Variants in SPIRE2 observed in about 807,000 individuals in gnomAD.
The protein encoded by SPIRE2 is spire type actin nucleation factor 2, also known as protein spire homolog 2.
A neutral mutation model predicts 80.7 loss-of-function variants in SPIRE2; 76 were observed. The ratio of observed to expected loss-of-function variants is 0.94; its 90% CI spans 0.78 to 1.14. The LOEUF (loss-of-function observed/expected upper bound fraction) is 1.14. Among genes scored for constraint, SPIRE2 ranks in the 50% most tolerant of loss-of-function variants. The probability of loss-of-function intolerance (pLI) is 0.00; values close to 1 mark genes in which losing one functional copy is unlikely to be tolerated. For missense variants in SPIRE2, 1,196 were observed against 1,015.3 expected (o/e 1.18, Z -2.42); for synonymous variants, 535 against 432.6 (o/e 1.24, Z -2.94).
chr16:89,869,809 G>T (rs1328644975), intron 14 of SPIRE2, 127 bp downstream of exon 14: 2 of 778,858 alleles, frequency 2.6e-6, no homozygotes, highest in African/African-American at 1.7e-5. Flanking sequence ...GAAATGCAAG[G>T]CAGAGACGGA....
At chr16:89,834,940 G>A (rs936617981) in intron 1 of SPIRE2, among the ~76,000 whole-genome samples, 4 of 148,046 alleles carry the variant, frequency 2.7e-5, no homozygotes, top group African/African-American at 1.0e-4. Flanking sequence ...CTGTGAACCT[G>A]CCCGCACTCG....
chr16:89,854,383 C>A lies in SPIRE2; in HGVS notation c.726+17C>A. On this transcript the variant is annotated intron_variant, in intron 4 of 14. Transcript: ENST00000378247. The stretch of plus-strand genomic sequence containing the variant: ...ACAGACTGGGTAAGGCTCACTCCCA[C>A]CTGACCGGGCCACTGACGCGGCCCA... 5 of 1,611,792 alleles carry A rather than the reference C, an allele frequency of 3.1e-6. No homozygotes were observed. Among genetic ancestry groups the A allele is most frequent in the Non-Finnish European group, 4.2e-6 (5 of 1,179,500 alleles).
chr16:89,869,031 TAAAAAA>T (rs766356633), intron 13 of SPIRE2, among the ~76,000 whole-genome samples: 3 of 23,974 alleles, frequency 1.3e-4, no homozygotes, highest in Non-Finnish European at 1.8e-4. Flanking sequence ...ATCTGTGTCT[TAAAAAA>T]AAAAAAAAAA....
intron 12 of SPIRE2, among the ~76,000 whole-genome samples, chr16:89,866,927 G>C (rs1009599969): frequency 6.6e-6 from 1 of 151,920 alleles, no homozygotes; most frequent in African/African-American, 2.4e-5. Context: ...TTTATAAGAA[G>C]GTATTTATTT....
intron 1 of SPIRE2, among the ~76,000 whole-genome samples, chr16:89,835,388 C>T (rs1218152509): frequency 1.3e-5 from 2 of 152,186 alleles, no homozygotes; most frequent in African/African-American, 2.4e-5. Context: ...CTCACTGCCA[C>T]CTTCCAGGCC....
chr16:89,833,609 G>A (rs893262123), intron 1 of SPIRE2, among the ~76,000 whole-genome samples: 6 of 152,240 alleles, frequency 3.9e-5, no homozygotes, highest in African/African-American at 7.2e-5. Context: ...TTTGTGCCTC[G>A]GTTTCCTTCT....
intron 13 of SPIRE2, among the ~76,000 whole-genome samples, chr16:89,868,473 A>G (rs762341165): frequency 6.6e-6 from 1 of 152,184 alleles, no homozygotes; most frequent in Non-Finnish European, 1.5e-5. Flanking sequence ...ACCTTCTTAC[A>G]TTCTATAACT....
At chr16:89,847,668 A>C (rs1326405720) in intron 2 of SPIRE2, among the ~76,000 whole-genome samples, 1 of 152,204 alleles carries the variant, frequency 6.6e-6, no homozygotes, top group East Asian at 1.9e-4. Flanking sequence ...GTTACTGGGC[A>C]GGTGTCCTGG....
intron 5 of SPIRE2, among the ~76,000 whole-genome samples, chr16:89,855,097 C>T (rs1432491318): frequency 2.6e-5 from 4 of 152,180 alleles, no homozygotes; most frequent in Non-Finnish European, 5.9e-5. Flanking sequence ...CGCCACCACG[C>T]CTGGCTAATT....
At chr16:89,839,921 TCTGCCACCTGA>T (rs2041488197) in intron 1 of SPIRE2, among the ~76,000 whole-genome samples, 1 of 152,230 alleles carries the variant, frequency 6.6e-6, no homozygotes, top group African/African-American at 2.4e-5. Context: ...CCTGTGTGTG[TCTGCCACCTGA>T]CTTGTTATTC....
chr16:89,850,525 G>A lies in SPIRE2; in HGVS notation c.510G>A (p.Gln170=). 6.6e-7 allele frequency: 1 copy of A among 1,521,398 alleles called. No homozygotes were observed. Among genetic ancestry groups the A allele is most frequent in the East Asian group, 2.4e-5 (1 of 41,608 alleles). 94.2% of individuals were successfully genotyped at this position (1,521,398 alleles called of 1,614,324 possible). The change falls in exon 3 of 15, where the codon CAG becomes CAA. Residue 170 remains glutamine (Q), a synonymous_variant. Coordinates refer to ENST00000378247, the MANE Select transcript of SPIRE2 (RefSeq NM_032451.2). ...GVPRSVRTFA[Q]AMRLCAARLT... Reference sequence around the variant, plus strand: ...CCCGCAGCGTGCGCACCTTTGCCCAGGCCATGCGGCTGTGCGCGGCGCGGC... The same window carrying A: ...CCCGCAGCGTGCGCACCTTTGCCCAAGCCATGCGGCTGTGCGCGGCGCGGC...
chr16:89,850,582 C>T lies in SPIRE2; in HGVS notation c.567C>T (p.Tyr189=). 1 of 1,517,930 alleles carries T rather than the reference C, an allele frequency of 6.6e-7. No individual in the cohort carries two copies. The highest frequency in any genetic ancestry group is 1.2e-5 in the South Asian group (1 of 81,448). 94.0% of individuals were successfully genotyped at this position (1,517,930 alleles called of 1,614,324 possible). A position where few individuals can be genotyped will look rare whatever the true frequency, so the allele number is the denominator to read the frequency against. Residue 189 remains tyrosine, a synonymous_variant, in exon 3 of 15, where the codon TAC becomes TAT. Coordinates refer to ENST00000378247, the MANE Select transcript of SPIRE2 (RefSeq NM_032451.2). ...LTDPRGAQAH[Y]QAVCRALFVE... The stretch of plus-strand genomic sequence containing the variant: ...ACCCCCGGGGCGCACAGGCGCATTA[C>T]CAGGCCGTGTGCCGCGCGCTCTTCG...
At chr16:89,855,014 C>T (rs1361679482) in intron 5 of SPIRE2, among the ~76,000 whole-genome samples, 2 of 152,112 alleles carry the variant, frequency 1.3e-5, no homozygotes, top group East Asian at 1.9e-4. Flanking sequence ...CCTTGGCTCA[C>T]TGCAAGCTCC....
chr16:89,834,375 G>GGCC (rs2041421229), intron 1 of SPIRE2, among the ~76,000 whole-genome samples: 3 of 137,888 alleles, frequency 2.2e-5, no homozygotes, highest in African/African-American at 5.1e-5. Flanking sequence ...CGTCGTAGAA[G>GGCC]CCTGGATAAG....
In SPIRE2 at chr16:89,830,908, CT is replaced by C. The variant is rs146029809; in HGVS notation, c.244+2133del. On this transcript the variant is annotated intron_variant, in intron 1 of 14. Transcript: ENST00000378247. Reference sequence around the variant, plus strand: ...TGAAGACTTTGTAACTGCTTAGAATCTTTTTTTTTTTTTTTTTTTGAGAGGG... The same window carrying C: ...TGAAGACTTTGTAACTGCTTAGAATCTTTTTTTTTTTTTTTTTTGAGAGGG... 5.6e-3 allele frequency among the ~76,000 whole-genome samples: 662 copies of C among 117,248 alleles called. 8 individuals are homozygous for C. Among genetic ancestry groups the C allele is most frequent in the East Asian group, 0.018 (69 of 3,940 alleles). 76.9% of individuals were successfully genotyped at this position (117,248 alleles called of 152,430 possible). A position where few individuals can be genotyped will look rare whatever the true frequency, so the allele number is the denominator to read the frequency against.
At chr16:89,845,054 C>G (rs945901666) in intron 1 of SPIRE2, among the ~76,000 whole-genome samples, 2 of 152,320 alleles carry the variant, frequency 1.3e-5, no homozygotes, top group Admixed American at 6.5e-5. Flanking sequence ...GGGGTCTGTC[C>G]ACAAGCTGAC....
At chr16:89,829,239 C>T (rs909406761) in intron 1 of SPIRE2, among the ~76,000 whole-genome samples, 6 of 152,244 alleles carry the variant, frequency 3.9e-5, no homozygotes, top group African/African-American at 1.4e-4. Context: ...GGCTGCGCCT[C>T]ACTTGGCGTC....
intron 12 of SPIRE2, among the ~76,000 whole-genome samples, chr16:89,867,384 C>A (rs1367092044): frequency 6.6e-6 from 1 of 152,028 alleles, no homozygotes; most frequent in African/African-American, 2.4e-5. Flanking sequence ...ACCTCGTGAT[C>A]CACCTGCCTT....
chr16:89,838,436 G>C (rs961331823), intron 1 of SPIRE2, among the ~76,000 whole-genome samples: 1 of 151,882 alleles, frequency 6.6e-6, no homozygotes, highest in Non-Finnish European at 1.5e-5. Context: ...GGCCTGCCTC[G>C]GCCTCCCAAA....
Sources: gnomAD v4.1 joint callset for allele counts (sites outside exome capture counted in the v4.1 genomes callset) on GRCh38, gnomAD v4.1.1 for gene constraint, MANE v1.5 for transcripts, NCBI Gene and HGNC (gene_info 2026-07-23, HGNC 2026-07-21) for gene names.